NPAS3: variants seen among roughly 807,000 people sequenced by gnomAD.
NPAS3 encodes the protein neuronal PAS domain protein 3, also known as neuronal PAS domain-containing protein 3.
In NPAS3, 14 loss-of-function variants were observed where a neutral mutation model predicts 73.1. The ratio of observed to expected loss-of-function variants is 0.19; its 90% CI spans 0.13 to 0.30. The LOEUF is 0.30. NPAS3 is among the 10% of genes least tolerant of loss of function. The pLI, the probability that NPAS3 is intolerant of heterozygous loss-of-function variation, is 1.00. For missense variants in NPAS3, 1,096 were observed against 1,250.0 expected (o/e 0.88, Z 1.86); for synonymous variants, 620 against 541.5 (o/e 1.14, Z -2.01).
At chr14:33,239,140 G>T (rs886214112) in intron 3 of NPAS3, among the ~76,000 whole-genome samples, 1 of 151,898 alleles carries the variant, frequency 6.6e-6, no homozygotes, top group South Asian at 2.1e-4. Flanking sequence ...TCTCCTGGGG[G>T]TCTGAGGGGA....
chr14:33,533,622 A>C (rs1416914501), intron 4 of NPAS3, among the ~76,000 whole-genome samples: 3 of 152,158 alleles, frequency 2.0e-5, no homozygotes, highest in Admixed American at 2.0e-4. Context: ...ACTACACTAA[A>C]TAAATCTTAA....
chr14:32,942,527 C>T (rs529065903), intron 1 of NPAS3, among the ~76,000 whole-genome samples: 19 of 152,260 alleles, frequency 1.2e-4, no homozygotes, highest in African/African-American at 3.1e-4. Context: ...TTTCTTTAAA[C>T]GCCAATAGAC....
At chr14:33,357,801 C>T (rs1290824729) in intron 3 of NPAS3, among the ~76,000 whole-genome samples, 1 of 152,150 alleles carries the variant, frequency 6.6e-6, no homozygotes, top group African/African-American at 2.4e-5. Context: ...AGATAAGCTC[C>T]AGGAGAACAA....
intron 2 of NPAS3, among the ~76,000 whole-genome samples, chr14:33,099,763 TG>T (rs1229292349): frequency 6.6e-6 from 1 of 152,194 alleles, no homozygotes; most frequent in Non-Finnish European, 1.5e-5. Flanking sequence ...TATATACCTA[TG>T]TATATACCCA....
At chr14:33,500,252 G>A (rs998327414) in intron 4 of NPAS3, among the ~76,000 whole-genome samples, 1 of 151,852 alleles carries the variant, frequency 6.6e-6, no homozygotes, top group East Asian at 1.9e-4. Flanking sequence ...TAGGAAGGGC[G>A]GGGTTGGGAG....
chr14:33,425,224 G>A (rs2048507502), intron 4 of NPAS3, among the ~76,000 whole-genome samples: 2 of 152,122 alleles, frequency 1.3e-5, no homozygotes, highest in African/African-American at 2.4e-5. Context: ...ATATTGAAAT[G>A]GATTGATGCG....
intron 5 of NPAS3, among the ~76,000 whole-genome samples, chr14:33,632,005 A>G (rs1047354219): frequency 6.6e-6 from 1 of 152,204 alleles, no homozygotes; most frequent in African/African-American, 2.4e-5. Flanking sequence ...TCTGTCGAAT[A>G]TGATCTGAGA....
At chr14:33,238,204 A>AC (rs2048102910) in intron 3 of NPAS3, among the ~76,000 whole-genome samples, 1 of 151,922 alleles carries the variant, frequency 6.6e-6, no homozygotes, top group African/African-American at 2.4e-5. Flanking sequence ...TTACCTGCAG[A>AC]CCCCAGACAG....
At chr14:33,605,332 A>G (rs936658019) in intron 5 of NPAS3, among the ~76,000 whole-genome samples, 1 of 151,144 alleles carries the variant, frequency 6.6e-6, no homozygotes, top group African/African-American at 2.4e-5. Flanking sequence ...TTAATGTGAC[A>G]TTGCCTAGAA....
intron 4 of NPAS3, among the ~76,000 whole-genome samples, chr14:33,524,707 T>C (rs1443538676): frequency 6.6e-6 from 1 of 152,138 alleles, no homozygotes; most frequent in East Asian, 1.9e-4. Context: ...AAGTGTGAGA[T>C]TAAGGTGCTG....
In NPAS3 at chr14:33,684,855, GA is replaced by G. The variant is rs555004872; in HGVS notation, c.733+8474del. 1.9e-3 allele frequency among the ~76,000 whole-genome samples: 285 copies of G among 152,308 alleles called. 1 individual carries two copies. The highest frequency in any genetic ancestry group is 6.4e-3 in the African/African-American group (264 of 41,570). On this transcript the variant is annotated intron_variant, in intron 6 of 11. Transcript: ENST00000356141. ...CAGTCTTCCAAGGCAGGTGTGAGAT[GA>G]AAAGAGCAGGCAGAGCAGAGCAATG...
chr14:33,543,957 A>C (rs1235755095), intron 4 of NPAS3, among the ~76,000 whole-genome samples: 1 of 13,866 alleles, frequency 7.2e-5, no homozygotes, highest in Non-Finnish European at 1.2e-4. Flanking sequence ...ATATATATAT[A>C]TATATATATA....
At chr14:33,203,903 C>T (rs2046719901) in intron 2 of NPAS3, among the ~76,000 whole-genome samples, 1 of 152,204 alleles carries the variant, frequency 6.6e-6, no homozygotes, top group Admixed American at 6.5e-5. Context: ...GCCACACCGA[C>T]TTCCACAACG....
At chr14:33,532,753 C>T (rs1040466652) in intron 4 of NPAS3, among the ~76,000 whole-genome samples, 1 of 152,052 alleles carries the variant, frequency 6.6e-6, no homozygotes. Context: ...TTTGAAAATT[C>T]CTTTCCTGTT....
intron 2 of NPAS3, among the ~76,000 whole-genome samples, chr14:33,120,846 C>G (rs1313402372): frequency 6.6e-6 from 1 of 152,044 alleles, no homozygotes; most frequent in South Asian, 2.1e-4. Flanking sequence ...AGTTTATCAG[C>G]TATTTTAGGA....
chr14:33,264,363 T>C (rs570471439), intron 3 of NPAS3, among the ~76,000 whole-genome samples: 2 of 152,144 alleles, frequency 1.3e-5, no homozygotes, highest in East Asian at 1.9e-4. Flanking sequence ...ATAGCACATG[T>C]ATACATATGT....
At chr14:33,774,912 A>G (rs2062765626) in intron 8 of NPAS3, among the ~76,000 whole-genome samples, 1 of 152,186 alleles carries the variant, frequency 6.6e-6, no homozygotes, top group African/African-American at 2.4e-5. Context: ...CATGGTGGTC[A>G]GTGTTCACAC....
intron 6 of NPAS3, among the ~76,000 whole-genome samples, chr14:33,689,508 G>T (rs1042734707): frequency 6.6e-6 from 1 of 152,022 alleles, no homozygotes; most frequent in South Asian, 2.1e-4. Flanking sequence ...CTTAAATTTG[G>T]GCTTCACTGA....
chr14:33,015,444 G>A (rs1203302909), intron 1 of NPAS3, among the ~76,000 whole-genome samples: 1 of 152,148 alleles, frequency 6.6e-6, no homozygotes, highest in African/African-American at 2.4e-5. Context: ...AGTAATAATG[G>A]GGATGGAATT....
Sources: gnomAD v4.1 joint callset for allele counts (sites outside exome capture counted in the v4.1 genomes callset) on GRCh38, gnomAD v4.1.1 for gene constraint, MANE v1.5 for transcripts, NCBI Gene and HGNC (gene_info 2026-07-23, HGNC 2026-07-21) for gene names.